The following NAALADL2 variants were observed in gnomAD, a reference collection of about 807,000 sequenced individuals.
NAALADL2 encodes the protein inactive N-acetylated-alpha-linked acidic dipeptidase-like protein 2.
NAALADL2 carries 76 observed loss-of-function variants against 87.2 expected under a neutral mutation model. That is an observed-to-expected ratio of 0.87 (90% CI 0.72 to 1.05). The LOEUF is 1.05. NAALADL2 is among the 50% of genes least tolerant of loss of function. The pLI, the probability that NAALADL2 is intolerant of heterozygous loss-of-function variation, is 0.00. For missense variants in NAALADL2, 1,089 were observed against 945.8 expected, an observed-to-expected ratio of 1.15 and a Z score of -1.99; for synonymous variants, 354 against 331.0, an observed-to-expected ratio of 1.07 and a Z score of -0.75.
chr3:174,798,458 T>C (rs1192824316), intron 3 of NAALADL2, among the ~76,000 whole-genome samples: 1 of 152,122 alleles, frequency 6.6e-6, no homozygotes, highest in African/African-American at 2.4e-5. Context: ...TGCCAACTTC[T>C]GCAAAAAACG....
At chr3:174,495,786 G>T (rs942679715) in intron 1 of NAALADL2, among the ~76,000 whole-genome samples, 1 of 151,226 alleles carries the variant, frequency 6.6e-6, no homozygotes, top group African/African-American at 2.4e-5. Context: ...AGACTCAAAA[G>T]ATTCTACTTC....
intron 5 of NAALADL2, among the ~76,000 whole-genome samples, chr3:175,338,193 CT>C (rs1290742219): frequency 2.6e-5 from 4 of 152,044 alleles, no homozygotes; most frequent in Admixed American, 1.3e-4. Context: ...AAAGAGAGAG[CT>C]GGGAGTGAAA....
intron 13 of NAALADL2, among the ~76,000 whole-genome samples, chr3:175,757,106 TAAAC>T (rs1308637041): frequency 2.6e-5 from 4 of 151,868 alleles, no homozygotes; most frequent in African/African-American, 7.2e-5. Context: ...AGTTCTGGGC[TAAAC>T]AAACAGTCCT....
intron 3 of NAALADL2, among the ~76,000 whole-genome samples, chr3:174,838,621 G>T (rs2109408513): frequency 6.6e-6 from 1 of 152,208 alleles, no homozygotes; most frequent in South Asian, 2.1e-4. Flanking sequence ...AAAGCTCCAA[G>T]AACTGATAAA....
chr3:174,602,924 AC>A (rs910707691), intron 2 of NAALADL2, among the ~76,000 whole-genome samples: 25 of 152,118 alleles, frequency 1.6e-4, no homozygotes, highest in African/African-American at 6.0e-4. Flanking sequence ...GTAATGTATC[AC>A]CCTGATTGAT....
intron 1 of NAALADL2, among the ~76,000 whole-genome samples, chr3:174,456,099 T>C (rs554843131): frequency 7.9e-5 from 12 of 152,070 alleles, no homozygotes; most frequent in African/African-American, 2.9e-4. Context: ...AGGAATACAA[T>C]CCCATTCACA....
At chr3:175,567,463 T>C (rs1308770259) in intron 9 of NAALADL2, among the ~76,000 whole-genome samples, 1 of 152,026 alleles carries the variant, frequency 6.6e-6, no homozygotes, top group Non-Finnish European at 1.5e-5. Flanking sequence ...GTATTTCAAA[T>C]ATAAAAGAAC....
intron 2 of NAALADL2, among the ~76,000 whole-genome samples, chr3:175,139,260 T>A (rs555718638): frequency 1.3e-5 from 2 of 152,056 alleles, no homozygotes; most frequent in African/African-American, 4.8e-5. Context: ...AAATACATCC[T>A]TGTTCTGGAA....
intron 2 of NAALADL2, among the ~76,000 whole-genome samples, chr3:175,168,975 G>A (rs955852394): frequency 6.6e-6 from 1 of 151,594 alleles, no homozygotes; most frequent in African/African-American, 2.4e-5. Flanking sequence ...AGCAAAACAG[G>A]ATAGCTGTAC....
intron 2 of NAALADL2, among the ~76,000 whole-genome samples, chr3:174,577,677 T>C (rs77427769): frequency 0.16 from 24,583 of 152,042 alleles, 2,143 homozygotes; most frequent in Non-Finnish European, 0.19. Flanking sequence ...CTTCAGAGGA[T>C]GATAATAGAA....
chr3:175,044,482 G>A (rs914689908), intron 1 of NAALADL2, among the ~76,000 whole-genome samples: 1 of 152,032 alleles, frequency 6.6e-6, no homozygotes, highest in Non-Finnish European at 1.5e-5. Context: ...CTCGTGTATT[G>A]CAAGGGGAAT....
chr3:175,388,819 C>G (rs1254504516), intron 5 of NAALADL2, among the ~76,000 whole-genome samples: 1 of 152,084 alleles, frequency 6.6e-6, no homozygotes. Flanking sequence ...CTCTAACTGT[C>G]AGAACCAAAT....
chr3:175,605,808 A>C (rs936082589), intron 10 of NAALADL2, among the ~76,000 whole-genome samples: 1 of 152,098 alleles, frequency 6.6e-6, no homozygotes, highest in African/African-American at 2.4e-5. Flanking sequence ...ATTGCTCCCT[A>C]TATTAATATC....
intron 9 of NAALADL2, among the ~76,000 whole-genome samples, chr3:175,495,553 C>G (rs1300386298): frequency 6.6e-6 from 1 of 152,024 alleles, no homozygotes; most frequent in Non-Finnish European, 1.5e-5. Context: ...TCATGTTTCA[C>G]TTTCTTCCTG....
At chr3:174,589,264 G>A (rs1420655095) in intron 2 of NAALADL2, among the ~76,000 whole-genome samples, 3 of 152,270 alleles carry the variant, frequency 2.0e-5, no homozygotes, top group Non-Finnish European at 4.4e-5. Context: ...AATTTTCCAG[G>A]TACCATCTGT....
At chr3:175,130,057 A>T (rs1316354835) in intron 2 of NAALADL2, among the ~76,000 whole-genome samples, 1 of 152,166 alleles carries the variant, frequency 6.6e-6, no homozygotes, top group African/African-American at 2.4e-5. Context: ...CTTAGTGATT[A>T]GCGATGTTGT....
chr3:175,007,808 A>G (rs1749240694), intron 1 of NAALADL2, among the ~76,000 whole-genome samples: 1 of 152,164 alleles, frequency 6.6e-6, no homozygotes, highest in Non-Finnish European at 1.5e-5. Flanking sequence ...GAGATGAACA[A>G]CAGTACTATA....
Position 174,924,022 on chromosome 3 carries a change from A to T in NAALADL2, c.43+64572A>T, listed in dbSNP as rs149828106. Among the ~76,000 whole-genome samples the T allele has an allele frequency of 3.2e-3, 481 of 152,318 alleles. 2 individuals are homozygous for T. Among genetic ancestry groups the T allele is most frequent in the Non-Finnish European group, 5.0e-3 (337 of 68,028 alleles). Reference sequence around the variant, plus strand: ...GTTTTTAAAAGAAGGAGAAAAACACATAATGGTATCTTACTTGTTCAGGAA... The same window carrying T: ...GTTTTTAAAAGAAGGAGAAAAACACTTAATGGTATCTTACTTGTTCAGGAA... On this transcript the variant is annotated intron_variant, in intron 1 of 13. Transcript: ENST00000454872.
chr3:174,682,953 A>G (rs556847131), intron 2 of NAALADL2, among the ~76,000 whole-genome samples: 1 of 152,340 alleles, frequency 6.6e-6, no homozygotes, highest in South Asian at 2.1e-4. Context: ...AGACAGAGAT[A>G]TGTGACCTTT....
Sources: gnomAD v4.1 joint callset for allele counts (sites outside exome capture counted in the v4.1 genomes callset) on GRCh38, gnomAD v4.1.1 for gene constraint, MANE v1.5 for transcripts, NCBI Gene and HGNC (gene_info 2026-07-23, HGNC 2026-07-21) for gene names.